Variants in VEGFA observed in about 807,000 individuals in gnomAD.
The protein encoded by VEGFA is vascular endothelial growth factor A, long form.
In VEGFA, 20 loss-of-function variants were observed where a neutral mutation model predicts 49.7. The observed-to-expected ratio is 0.40, with a 90% CI of 0.28 to 0.58. The LOEUF is 0.58. Among genes scored for constraint, VEGFA ranks in the 20% least tolerant of loss-of-function variants. The pLI, the probability that VEGFA is intolerant of heterozygous loss-of-function variation, is 0.40. For synonymous variants in VEGFA, 219 were observed against 223.4 expected, an observed-to-expected ratio of 0.98 and a Z score of 0.18; for missense variants, 505 against 553.5, an observed-to-expected ratio of 0.91 and a Z score of 0.88.
Position 43,771,296 on chromosome 6 carries a change from A to G in VEGFA, c.590A>G (p.Tyr197Cys), listed in dbSNP as rs375450405. The change falls in exon 1 of 8, where the codon TAC becomes TGC. Residue 197 changes from tyrosine (Y) to cysteine (C), a missense_variant. By Grantham distance (194) the Tyr-to-Cys change is radical (BLOSUM62 -2). Around this residue, in one of 2 missense-constraint regions of VEGFA, gnomAD observed 340 missense variants for 321.8 expected, o/e 1.06. Coordinates refer to ENST00000672860, the MANE Select transcript of VEGFA (RefSeq NM_003376.6). ...CATTGGAGCCTTGCCTTGCTGCTCT[A>G]CCTCCACCATGCCAAGGTAAGCGGT... 3.1e-6 allele frequency: 5 copies of G among 1,604,214 alleles called. No individual in the cohort carries two copies. Among genetic ancestry groups the G allele is most frequent in the African/African-American group, 2.7e-5 (2 of 73,162 alleles).
chr6:43,771,390 G>A, intron 1 of VEGFA, 78 bp downstream of exon 1: 4 of 1,454,086 alleles, frequency 2.8e-6, no homozygotes, highest in Non-Finnish European at 3.7e-6. Context: ...GCGAGCGCGC[G>A]CGTGGGGGCT....
At chr6:43,781,893 AT>A (rs1233917869) in intron 6 of VEGFA, 62 bp from the exon 7 acceptor site, 29 of 1,602,144 alleles carry the variant, frequency 1.8e-5, no homozygotes, top group Admixed American at 6.7e-5. Flanking sequence ...TTGCATGGTG[AT>A]TTTTTTTCTC....
intron 1 of VEGFA, 54 bp from the exon 2 acceptor site, chr6:43,774,287 C>T (rs1302788639): frequency 6.3e-7 from 1 of 1,592,044 alleles, no homozygotes; most frequent in Non-Finnish European, 8.6e-7. Flanking sequence ...GTGGCTGGGC[C>T]TGTGCACCCC....
intron 6 of VEGFA, 118 bp from the exon 7 acceptor site, chr6:43,781,838 C>T: frequency 7.2e-7 from 1 of 1,390,136 alleles, no homozygotes. Flanking sequence ...GGCCTGGGGG[C>T]TGACCGGCTG....
At position 43,780,775 on chromosome 6, in the gene VEGFA, A is replaced by G; in HGVS notation, c.1006A>G (p.Lys336Glu). ...GGGAAAGGGGCAAAAACGAAAGCGC[A>G]AGAAATCCCGGTATAAGTCCTGGAG... Residue 336 changes from lysine (K) to glutamate (E), a missense_variant, in exon 6 of 8, where the codon AAG becomes GAG. Coordinates refer to ENST00000672860, the MANE Select transcript of VEGFA (RefSeq NM_003376.6). The G allele has an allele frequency of 1.9e-6, 3 of 1,613,788 alleles. No individual in the cohort carries two copies. The highest frequency in any genetic ancestry group is 2.5e-6 in the Non-Finnish European group (3 of 1,179,976).
Position 43,770,769 on chromosome 6 carries a change from G to A in VEGFA, c.63G>A (p.Arg21=), listed in dbSNP as rs1436975825. ...GCTACCACCTCCTCCCCGGCCGGCGGCGGACAGTGGACGCGGCGGCGAGCC... is the reference window on the plus strand; with the variant it reads ...GCTACCACCTCCTCCCCGGCCGGCGACGGACAGTGGACGCGGCGGCGAGCC... The change falls in exon 1 of 8, where the codon CGG becomes CGA. Residue 21 remains arginine (R), a synonymous_variant. Coordinates refer to ENST00000672860, the MANE Select transcript of VEGFA (RefSeq NM_003376.6). 2.7e-6 allele frequency: 4 copies of A among 1,482,732 alleles called. No homozygotes were observed. The highest frequency in any genetic ancestry group is 3.6e-6 in the Non-Finnish European group (4 of 1,124,018). The allele number at this position is 1,482,732 out of a possible 1,614,324, so 91.8% of individuals were successfully genotyped here.
rs1309957148 is a variant in VEGFA, at chr6:43,771,273, T to C, written c.567T>C (p.His189=). ...TGAACTTTCTGCTGTCTTGGGTGCA[T>C]TGGAGCCTTGCCTTGCTGCTCTACC... The change falls in exon 1 of 8, where the codon CAT becomes CAC. Residue 189 remains histidine, a synonymous_variant. Coordinates refer to ENST00000672860, the MANE Select transcript of VEGFA (RefSeq NM_003376.6). 4 of 1,607,262 alleles carry C rather than the reference T, an allele frequency of 2.5e-6. No individual in the cohort carries two copies. Among genetic ancestry groups the C allele is most frequent in the Non-Finnish European group, 3.4e-6 (4 of 1,177,532 alleles).
intron 1 of VEGFA, chr6:43,771,936 C>G (rs1306974477): frequency 1.3e-5 from 11 of 841,586 alleles, no homozygotes; most frequent in South Asian, 5.4e-5. Flanking sequence ...GCTCGGTGCC[C>G]GCCCTCCCCC....
In VEGFA at chr6:43,770,948, G is replaced by C; in HGVS notation, c.242G>C (p.Arg81Thr). The C allele has an allele frequency of 6.5e-7, 1 of 1,545,050 alleles. No homozygotes were observed. Residue 81 changes from arginine (R) to threonine (T), a missense_variant, in exon 1 of 8, where the codon AGA becomes ACA. Transcript: ENST00000672860. Reference sequence around the variant, plus strand: ...GAAGCCGAGCCGAGCGGAGCCGCGAGAAGTGCTAGCTCGGGCCGGGAGGAG... The same window carrying C: ...GAAGCCGAGCCGAGCGGAGCCGCGACAAGTGCTAGCTCGGGCCGGGAGGAG...
rs1451204127 is a variant in VEGFA at position 43,770,547 on chromosome 6, C to T, written c.-160C>T. On this transcript the variant is annotated 5_prime_UTR_variant, in exon 1 of 8. Transcript: ENST00000672860. ...AAGAGGAAAGAGGTAGCAAGAGCTC[C>T]AGAGAGAAGTCGAGGAAGAGAGAGA... The T allele has an allele frequency of 7.5e-7, 1 of 1,328,406 alleles. No individual in the cohort carries two copies. Among genetic ancestry groups the T allele is most frequent in the East Asian group, 3.1e-5 (1 of 32,686 alleles). 82.3% of individuals were successfully genotyped at this position (1,328,406 alleles called of 1,614,324 possible). A position where few individuals can be genotyped will look rare whatever the true frequency, so the allele number is the denominator to read the frequency against.
At position 43,771,000 on chromosome 6, in the gene VEGFA, A is replaced by G. The variant is rs1303508016; in HGVS notation, c.294A>G (p.Glu98=). 21 of 1,540,926 alleles carry G rather than the reference A, an allele frequency of 1.4e-5. No homozygotes were observed. The highest frequency in any genetic ancestry group is 8.4e-5 in the African/African-American group (6 of 71,834). The change falls in exon 1 of 8, where the codon GAA becomes GAG. Residue 98 remains glutamate, a synonymous_variant. Coordinates refer to ENST00000672860, the MANE Select transcript of VEGFA (RefSeq NM_003376.6). ...CGCAGCCGGAGGAGGGGGAGGAGGA[A>G]GAAGAGAAGGAAGAGGAGAGGGGGC...
At position 43,771,318 on chromosome 6, in the gene VEGFA, C is replaced by T. The variant is rs747456059; in HGVS notation, c.606+6C>T. On this transcript the variant is annotated splice_donor_region_variant and intron_variant, in intron 1 of 7. Transcript: ENST00000672860. ...TCTACCTCCACCATGCCAAGGTAAG[C>T]GGTCGTGCCCTGCTGGCGCCGCGGG... 4 of 1,596,800 alleles carry T rather than the reference C, an allele frequency of 2.5e-6. No homozygotes were observed. The highest frequency in any genetic ancestry group is 3.4e-5 in the Admixed American group (2 of 58,976).
chr6:43,782,303 T>C, intron 7 of VEGFA: 2 of 662,544 alleles, frequency 3.0e-6, no homozygotes, highest in Non-Finnish European at 5.0e-6. Flanking sequence ...TGGCGGGGCC[T>C]GTTCCGAGGT....
intron 7 of VEGFA, chr6:43,782,927 G>A (rs1768360733): frequency 6.6e-6 from 1 of 152,376 alleles, no homozygotes; most frequent in Non-Finnish European, 1.5e-5. Flanking sequence ...GTGCCCCCAG[G>A]ATGCGTGGAG....
Position 43,777,842 on chromosome 6 carries a change from GC to G in VEGFA, c.855+180del. 1.5e-6 allele frequency: 1 copy of G among 686,692 alleles called. No homozygotes were observed. Among genetic ancestry groups the G allele is most frequent in the Non-Finnish European group, 2.4e-6 (1 of 413,046 alleles). The allele number at this position is 686,692 out of a possible 1,614,324, so 42.5% of individuals were successfully genotyped here. ...CTGTGGAGAAGATGCTTCATTCCCA[GC>G]CCAGGTTCCCAGCAAGCCCCAACCA... On this transcript the variant is annotated intron_variant, in intron 3 of 7. Transcript: ENST00000672860. This position sits in a 1 kb window ranked among gnomAD's most constrained non-coding sequence, Gnocchi z 4.3.
At position 43,773,680 on chromosome 6, in the gene VEGFA, G is replaced by T. The variant is rs1250833525; in HGVS notation, c.607-661G>T. On this transcript the variant is annotated intron_variant, in intron 1 of 7. Transcript: ENST00000672860. The surrounding 1 kb of genome is among the most constrained non-coding windows in gnomAD (Gnocchi z 5.6). ...GGTGAGGCTTTGGAAATCTATTGAG[G>T]CTCTGGAGAGATTTGTGTAGAGAGG... 1 of 154,710 alleles carries T rather than the reference G, an allele frequency of 6.5e-6. No individual in the cohort carries two copies. The highest frequency in any genetic ancestry group is 6.3e-5 in the Admixed American group (1 of 15,890). 9.6% of individuals were successfully genotyped at this position (154,710 alleles called of 1,614,324 possible). A position where few individuals can be genotyped will look rare whatever the true frequency, so the allele number is the denominator to read the frequency against.
At chr6:43,774,698 G>T in intron 2 of VEGFA, 1 of 507,672 alleles carries the variant, frequency 2.0e-6, no homozygotes, top group Non-Finnish European at 3.6e-6. Context: ...CTAGGTGTTG[G>T]GGGAAGTGTC....
In VEGFA at chr6:43,770,817, G is replaced by T. The variant is rs1338521172; in HGVS notation, c.111G>T (p.Ala37=). ...GCCGCGGGCAGGGGCCGGAGCCCGC[G>T]CCCGGAGGCGGGGTGGAGGGGGTCG... Residue 37 remains alanine (A), a synonymous_variant, in exon 1 of 8, where the codon GCG becomes GCT. Transcript: ENST00000672860. The T allele has an allele frequency of 1.3e-6, 2 of 1,512,994 alleles. No homozygotes were observed. Among genetic ancestry groups the T allele is most frequent in the South Asian group, 2.5e-5 (2 of 79,790 alleles). 93.7% of individuals were successfully genotyped at this position (1,512,994 alleles called of 1,614,324 possible).
intron 2 of VEGFA, 149 bp downstream of exon 2, chr6:43,774,541 G>C (rs1363125690): frequency 1.4e-5 from 13 of 946,324 alleles, no homozygotes; most frequent in Middle Eastern, 2.4e-4. Flanking sequence ...GCACCACGAG[G>C]TTCACCCTCA....
Sources: allele counts gnomAD v4.1 joint callset, GRCh38; gene constraint gnomAD v4.1.1; regional missense constraint gnomAD v4.1.1; non-coding constraint Gnocchi (gnomAD v3.1); transcripts MANE v1.5; gene names NCBI Gene and HGNC (gene_info 2026-07-23, HGNC 2026-07-21).